The following CSMD1 variants were observed in gnomAD, a reference collection of about 807,000 sequenced individuals.
The protein encoded by CSMD1 is CUB and Sushi multiple domains 1.
In CSMD1, 213 loss-of-function variants were observed where a neutral mutation model predicts 417.5. The observed-to-expected ratio is 0.51, with a 90% CI of 0.46 to 0.57. The LOEUF is 0.57. Ranked by LOEUF, CSMD1 falls within the 20% of genes least tolerant of loss-of-function variation. The probability of loss-of-function intolerance (pLI) is 0.00; values close to 1 mark genes in which losing one functional copy is unlikely to be tolerated. For missense variants in CSMD1, 6,923 were observed against 4,529.7 expected (o/e 1.53, Z -15.17); for synonymous variants, 2,862 against 1,736.8 (o/e 1.65, Z -16.11).
chr8:3,948,516 TTTTC>T (rs982015371), intron 5 of CSMD1, among the ~76,000 whole-genome samples: 1 of 152,114 alleles, frequency 6.6e-6, no homozygotes, highest in African/African-American at 2.4e-5. Context: ...TCTTCTTATA[TTTTC>T]TTTATTTTAT....
At chr8:4,269,390 G>C (rs975527757) in intron 3 of CSMD1, among the ~76,000 whole-genome samples, 2 of 152,064 alleles carry the variant, frequency 1.3e-5, no homozygotes, top group Non-Finnish European at 2.9e-5. Context: ...ATTGTGCTTT[G>C]AACCACACTC....
At chr8:4,742,097 C>G (rs1041835569) in intron 1 of CSMD1, among the ~76,000 whole-genome samples, 3 of 134,970 alleles carry the variant, frequency 2.2e-5, no homozygotes, top group African/African-American at 8.3e-5. Context: ...GTGGCGCAAT[C>G]TCGGCTCACT....
rs116797769 is a variant in CSMD1 at position 3,872,596 on chromosome 8, G to C, written c.819-118554C>G. ...ATTGCTTGATAGAGTTCAGTAAAAAGGCATTCATTTCATGTCAGTTTCCAC... is the reference window on the plus strand; with the variant it reads ...ATTGCTTGATAGAGTTCAGTAAAAACGCATTCATTTCATGTCAGTTTCCAC... On this transcript the variant is annotated intron_variant, in intron 5 of 69. Coordinates refer to ENST00000635120, the MANE Select transcript of CSMD1 (RefSeq NM_033225.6). Among the ~76,000 whole-genome samples the C allele has an allele frequency of 1.6e-3, 240 of 152,186 alleles. 1 individual carries two copies. The highest frequency in any genetic ancestry group is 5.3e-3 in the African/African-American group (218 of 41,516).
rs532550054 is a variant in CSMD1 at position 4,315,046 on chromosome 8, T to C, written c.415+104907A>G. 2.6e-5 allele frequency among the ~76,000 whole-genome samples: 4 copies of C among 152,290 alleles called. No homozygotes were observed. The East Asian group carries it at 5.8e-4, about 22-fold the overall frequency. ...GTCCCTCTTCTAATCATGACTGCGT[T>C]GGCTTCCCACTGCCCCGACCATTTG... On this transcript the variant is annotated intron_variant, in intron 3 of 69. Coordinates refer to ENST00000635120, the MANE Select transcript of CSMD1 (RefSeq NM_033225.6).
At chr8:3,904,236 G>A (rs542175567) in intron 5 of CSMD1, among the ~76,000 whole-genome samples, 5 of 152,180 alleles carry the variant, frequency 3.3e-5, no homozygotes, top group African/African-American at 9.7e-5. Flanking sequence ...AGCTGAGTTA[G>A]GGTAGAGACG....
intron 5 of CSMD1, among the ~76,000 whole-genome samples, chr8:3,814,681 C>T (rs751164088): frequency 1.3e-5 from 2 of 152,156 alleles, no homozygotes; most frequent in Admixed American, 6.5e-5. Flanking sequence ...GAGATGGAGA[C>T]ATTAGCTTAG....
chr8:3,306,813 A>C (rs1195352290), intron 25 of CSMD1, among the ~76,000 whole-genome samples: 3 of 151,386 alleles, frequency 2.0e-5, no homozygotes, highest in East Asian at 3.9e-4. Context: ...ATTTCTGAGT[A>C]GATCACCAAG....
intron 3 of CSMD1, among the ~76,000 whole-genome samples, chr8:4,152,707 T>G (rs1417206522): frequency 6.6e-6 from 1 of 151,228 alleles, no homozygotes; most frequent in Non-Finnish European, 1.5e-5. Flanking sequence ...AAAAAAAAAA[T>G]CCTTTACATA....
intron 36 of CSMD1, among the ~76,000 whole-genome samples, chr8:3,185,767 C>G (rs986758204): frequency 1.3e-5 from 2 of 152,160 alleles, no homozygotes; most frequent in Non-Finnish European, 2.9e-5. Context: ...AATTCATAAA[C>G]TGTGAGGTAG....
intron 1 of CSMD1, among the ~76,000 whole-genome samples, chr8:4,742,423 C>T (rs939752074): frequency 1.3e-5 from 2 of 152,006 alleles, no homozygotes; most frequent in Non-Finnish European, 2.9e-5. Context: ...CTACTCTGGT[C>T]ATTTTTCTTA....
At chr8:3,674,024 T>C (rs1222745179) in intron 7 of CSMD1, among the ~76,000 whole-genome samples, 1 of 152,128 alleles carries the variant, frequency 6.6e-6, no homozygotes. Flanking sequence ...GAGAATAACT[T>C]GAGCCTGGGA....
chr8:3,239,965 G>C (rs1274674856), intron 26 of CSMD1, among the ~76,000 whole-genome samples: 1 of 151,658 alleles, frequency 6.6e-6, no homozygotes, highest in African/African-American at 2.4e-5. Flanking sequence ...GAGCCGGGGA[G>C]CAGAAAGTAT....
intron 12 of CSMD1, among the ~76,000 whole-genome samples, chr8:3,443,266 G>C (rs929645575): frequency 3.3e-5 from 5 of 152,136 alleles, no homozygotes; most frequent in Non-Finnish European, 5.9e-5. Flanking sequence ...AGATGGGTTG[G>C]AAGACTGATT....
intron 1 of CSMD1, among the ~76,000 whole-genome samples, chr8:4,980,834 G>A (rs1308373902): frequency 6.6e-6 from 1 of 151,962 alleles, no homozygotes; most frequent in Non-Finnish European, 1.5e-5. Context: ...ATCCCAGGAA[G>A]TTGAGGCTGC....
intron 10 of CSMD1, among the ~76,000 whole-genome samples, chr8:3,552,638 A>G (rs1427041662): frequency 6.6e-6 from 1 of 152,210 alleles, no homozygotes; most frequent in African/African-American, 2.4e-5. Context: ...TATGCTACAG[A>G]GATCCTTTCT....
chr8:3,106,601 C>G lies in CSMD1; in HGVS notation c.6876G>C (p.Leu2292Phe), dbSNP rs541019245. The change falls in exon 46 of 70, where the codon TTG (leucine) becomes TTC (phenylalanine). Residue 2292 changes from leucine (L) to phenylalanine (F), a missense_variant. Physicochemically the swap from Leu to Phe is conservative, Grantham distance 22. Transcript: ENST00000635120. ...TGCAAGTCAGAATGTCGGTCCCCAC[C>G]AAGGTGTACCCGGGGTGGCACTGGT... ...VKYQCHPGYT[L>F]VGTDILTCKL... The G allele has an allele frequency of 3.1e-6, 5 of 1,613,594 alleles. No homozygotes were observed. The highest frequency in any genetic ancestry group is 4.2e-6 in the Non-Finnish European group (5 of 1,179,782).
chr8:3,849,630 C>T (rs1464350084), intron 5 of CSMD1, among the ~76,000 whole-genome samples: 1 of 152,060 alleles, frequency 6.6e-6, no homozygotes, highest in Non-Finnish European at 1.5e-5. Context: ...CTGGAGCCTA[C>T]CTGGGGAACA....
intron 5 of CSMD1, among the ~76,000 whole-genome samples, chr8:3,813,136 T>G (rs762108516): frequency 2.0e-5 from 3 of 151,734 alleles, no homozygotes; most frequent in Non-Finnish European, 2.9e-5. Flanking sequence ...TTCACATATG[T>G]TCCCACTGGC....
At chr8:3,563,389 G>C (rs13280356) in intron 10 of CSMD1, among the ~76,000 whole-genome samples, 41,550 of 94,072 alleles carry the variant, frequency 0.44, 6,278 homozygotes, top group Middle Eastern at 0.56. Context: ...CTAAAAATGA[G>C]AAAAATTGTA....
Sources: allele counts gnomAD v4.1 joint callset (sites outside exome capture counted in the v4.1 genomes callset), GRCh38; gene constraint gnomAD v4.1.1; transcripts MANE v1.5; gene names NCBI Gene and HGNC (gene_info 2026-07-23, HGNC 2026-07-21).